The following TPST1 variants were observed in gnomAD, a reference collection of about 807,000 sequenced individuals.
The protein encoded by TPST1 is tyrosylprotein sulfotransferase 1.
In TPST1, 20 loss-of-function variants were observed where a neutral mutation model predicts 34.8. The observed-to-expected ratio is 0.57, with a 90% CI of 0.40 to 0.84. The LOEUF (loss-of-function observed/expected upper bound fraction) is 0.84. Among genes scored for constraint, TPST1 ranks in the 40% least tolerant of loss-of-function variants. The pLI is 0.00. For synonymous variants in TPST1, 152 were observed against 159.4 expected, an observed-to-expected ratio of 0.95 and a Z score of 0.35; for missense variants, 353 against 455.5, an observed-to-expected ratio of 0.78 and a Z score of 2.05.
intron 3 of TPST1, among the ~76,000 whole-genome samples, chr7:66,296,247 T>TTCCCCCCCCCC (rs1554349789): frequency 1.2e-4 from 5 of 40,106 alleles, no homozygotes; most frequent in African/African-American, 4.0e-4. Flanking sequence ...CACCCACCCT[T>TTCCCCCCCCCC]CCCCCCCCCC....
chr7:66,239,458 A>G (rs185099726), intron 1 of TPST1, among the ~76,000 whole-genome samples: 13 of 152,330 alleles, frequency 8.5e-5, no homozygotes, highest in Non-Finnish European at 1.6e-4. Context: ...AGAAGTTACT[A>G]TACTGTTTTC....
In TPST1 at chr7:66,354,522, C is replaced by CAAAAAAAAAA. The variant is rs66521537; in HGVS notation, c.1095+1987_1095+1996dup. On this transcript the variant is annotated intron_variant, in intron 4 of 5. Transcript: ENST00000304842. ...TGGGTGACAGAGCGAGAGTCTGTCTCAAAAAAAAAAAAAAAAAAAAAAAAA... is the reference window on the plus strand; with the variant it reads ...TGGGTGACAGAGCGAGAGTCTGTCTCAAAAAAAAAAAAAAAAAAAAAAAAAAAAAAAAAAA... 1.9e-3 allele frequency among the ~76,000 whole-genome samples: 113 copies of CAAAAAAAAAA among 60,794 alleles called. 3 individuals are homozygous for CAAAAAAAAAA. The highest frequency in any genetic ancestry group is 0.014 in the East Asian group (28 of 2,036). The allele number at this position is 60,794 out of a possible 152,430, so 39.9% of individuals were successfully genotyped here. A position where few individuals can be genotyped will look rare whatever the true frequency, so the allele number is the denominator to read the frequency against.
At chr7:66,330,672 C>A (rs1304817311) in intron 3 of TPST1, among the ~76,000 whole-genome samples, 3 of 152,276 alleles carry the variant, frequency 2.0e-5, no homozygotes, top group African/African-American at 7.2e-5. Context: ...CAGTCCACCT[C>A]CTAACAATCT....
chr7:66,279,088 C>T (rs1790880996), intron 2 of TPST1, among the ~76,000 whole-genome samples: 1 of 152,066 alleles, frequency 6.6e-6, no homozygotes, highest in African/African-American at 2.4e-5. Context: ...TTCCTCCCAC[C>T]CTCGACCCTT....
In TPST1 at chr7:66,243,899, C is replaced by T. The variant is rs1233522259; in HGVS notation, c.845+2629C>T. On this transcript the variant is annotated intron_variant, in intron 2 of 5. Transcript: ENST00000304842. ...AATTTATTGCCCACAGTCAGTCATC[C>T]TGTGTGCTTTTCGTTTTATTTAAAC... Among the ~76,000 whole-genome samples the T allele has an allele frequency of 4.0e-5, 6 of 151,364 alleles. No individual in the cohort carries two copies. The East Asian group carries it at 1.2e-3, about 29-fold the overall frequency.
intron 2 of TPST1, among the ~76,000 whole-genome samples, chr7:66,261,047 T>A (rs1031796663): frequency 6.6e-6 from 1 of 152,186 alleles, no homozygotes; most frequent in Non-Finnish European, 1.5e-5. Context: ...CAGCTCCATT[T>A]CTCAACTTAG....
upstream of TPST1, among the ~76,000 whole-genome samples, chr7:66,202,937 A>G (rs35028832): frequency 0.59 from 90,122 of 151,946 alleles, 27,172 homozygotes; most frequent in African/African-American, 0.68. Flanking sequence ...TTAGCTGGGC[A>G]TGGTGGCAGG....
At chr7:66,238,487 C>T (rs1177398229) in intron 1 of TPST1, among the ~76,000 whole-genome samples, 1 of 150,180 alleles carries the variant, frequency 6.7e-6, no homozygotes, top group Non-Finnish European at 1.5e-5. Context: ...TGGAGGCCTG[C>T]GTTAGTGAGA....
At chr7:66,238,404 C>G (rs1440985818) in intron 1 of TPST1, among the ~76,000 whole-genome samples, 2 of 143,348 alleles carry the variant, frequency 1.4e-5, no homozygotes, top group Admixed American at 1.4e-4. Flanking sequence ...TATAACAGCA[C>G]TGGCTTTTTT....
At chr7:66,351,261 G>A (rs1338476898) in intron 3 of TPST1, among the ~76,000 whole-genome samples, 1 of 152,146 alleles carries the variant, frequency 6.6e-6, no homozygotes, top group Non-Finnish European at 1.5e-5. Context: ...CTGTGTTGTT[G>A]CTAATGTAGC....
At chr7:66,271,967 C>G (rs928707371) in intron 2 of TPST1, among the ~76,000 whole-genome samples, 4 of 152,140 alleles carry the variant, frequency 2.6e-5, no homozygotes, top group African/African-American at 9.7e-5. Context: ...GACATACACT[C>G]TAGTAGATTC....
At chr7:66,256,661 C>T (rs1199442641) in intron 2 of TPST1, among the ~76,000 whole-genome samples, 1 of 152,192 alleles carries the variant, frequency 6.6e-6, no homozygotes, top group African/African-American at 2.4e-5. Context: ...CATCCTATCA[C>T]TTTTGCCATA....
At chr7:66,275,224 TAAC>T (rs1246829023) in intron 2 of TPST1, among the ~76,000 whole-genome samples, 12 of 152,088 alleles carry the variant, frequency 7.9e-5, no homozygotes, top group Middle Eastern at 3.4e-3. Context: ...TAAAAAAAGA[TAAC>T]AAGTGTTGGC....
chr7:66,259,086 C>A (rs546975314), intron 2 of TPST1, among the ~76,000 whole-genome samples: 118 of 152,270 alleles, frequency 7.7e-4, no homozygotes, highest in African/African-American at 2.7e-3. Context: ...TATGTCATTT[C>A]TCTGACCACT....
chr7:66,272,270 C>G (rs1309448019), intron 2 of TPST1, among the ~76,000 whole-genome samples: 1 of 152,060 alleles, frequency 6.6e-6, no homozygotes, highest in Non-Finnish European at 1.5e-5. Context: ...GATCATTCAC[C>G]ATAATCAAAT....
At chr7:66,304,416 T>C (rs935056675) in intron 3 of TPST1, among the ~76,000 whole-genome samples, 63 of 152,292 alleles carry the variant, frequency 4.1e-4, no homozygotes, top group African/African-American at 1.5e-3. Context: ...TTAAAAATAA[T>C]GGCTTCTACT....
chr7:66,255,371 T>C (rs930849383), intron 2 of TPST1, among the ~76,000 whole-genome samples: 3 of 152,104 alleles, frequency 2.0e-5, no homozygotes, highest in Non-Finnish European at 4.4e-5. Context: ...TGTGCCAAGG[T>C]TGAGAAACTG....
intron 1 of TPST1, among the ~76,000 whole-genome samples, chr7:66,228,480 T>C (rs563204934): frequency 4.8e-4 from 73 of 152,326 alleles, no homozygotes; most frequent in African/African-American, 1.5e-3. Context: ...AGTAGTTATT[T>C]ATCTTCCCTC....
intron 3 of TPST1, among the ~76,000 whole-genome samples, chr7:66,297,491 G>T (rs1004206039): frequency 2.0e-5 from 3 of 152,156 alleles, no homozygotes; most frequent in African/African-American, 7.2e-5. Context: ...AGTCCTCAGG[G>T]CACATGGCTC....
Sources: gnomAD v4.1 joint callset for allele counts (sites outside exome capture counted in the v4.1 genomes callset) on GRCh38, gnomAD v4.1.1 for gene constraint, MANE v1.5 for transcripts, NCBI Gene and HGNC (gene_info 2026-07-23, HGNC 2026-07-21) for gene names.